Variants in OSBPL1A observed in about 807,000 individuals in gnomAD.
The protein encoded by OSBPL1A is oxysterol-binding protein-related protein 1.
In OSBPL1A, 80 loss-of-function variants were observed where a neutral mutation model predicts 137.1. The observed-to-expected ratio is 0.58, with a 90% CI of 0.49 to 0.70. The LOEUF (loss-of-function observed/expected upper bound fraction) is 0.70. Ranked by LOEUF, OSBPL1A falls within the 30% of genes least tolerant of loss-of-function variation. The pLI is 0.00. For synonymous variants in OSBPL1A, 365 were observed against 389.7 expected (o/e 0.94, Z 0.75); for missense variants, 970 against 1,129.4 (o/e 0.86, Z 2.02).
chr18:24,332,385 C>CAAAAAAAAAAAA (rs71163675), intron 7 of OSBPL1A, among the ~76,000 whole-genome samples: 1 of 53,060 alleles, frequency 1.9e-5, no homozygotes, highest in African/African-American at 9.3e-5. Context: ...GACTCTGTCT[C>CAAAAAAAAAAAA]AAAAAAAAAA....
intron 17 of OSBPL1A, among the ~76,000 whole-genome samples, chr18:24,203,412 T>C (rs760686000): frequency 6.6e-6 from 1 of 152,164 alleles, no homozygotes; most frequent in African/African-American, 2.4e-5. Context: ...CAAACAAGGG[T>C]ATACAGGTAT....
chr18:24,356,059 C>T (rs1263469462), intron 4 of OSBPL1A, among the ~76,000 whole-genome samples: 2 of 151,542 alleles, frequency 1.3e-5, no homozygotes, highest in African/African-American at 4.8e-5. Context: ...ACCTGTAATC[C>T]CAGCTACTTG....
chr18:24,284,258 A>G (rs2090024483), intron 14 of OSBPL1A, among the ~76,000 whole-genome samples: 3 of 152,202 alleles, frequency 2.0e-5, no homozygotes, highest in African/African-American at 7.2e-5. Context: ...CTTCTAGAAA[A>G]GTGACCAACT....
intron 4 of OSBPL1A, among the ~76,000 whole-genome samples, chr18:24,365,428 T>TC (rs1247144454): frequency 6.6e-6 from 1 of 151,908 alleles, no homozygotes; most frequent in Non-Finnish European, 1.5e-5. Flanking sequence ...CTACTAAAAA[T>TC]CCAAAATTAT....
intron 7 of OSBPL1A, among the ~76,000 whole-genome samples, chr18:24,326,166 T>C (rs2090975241): frequency 6.6e-6 from 1 of 152,240 alleles, no homozygotes; most frequent in Admixed American, 6.5e-5. Context: ...AATTATGTTA[T>C]ATCCACATGA....
At chr18:24,166,852 T>G in intron 25 of OSBPL1A, 150 bp from the exon 26 acceptor site, 1 of 811,370 alleles carries the variant, frequency 1.2e-6, no homozygotes, top group Non-Finnish European at 1.8e-6. Context: ...CGTATCTAAA[T>G]GTTTTCACCA....
Position 24,165,051 on chromosome 18 carries a change from A to G in OSBPL1A, c.2750+14T>C, listed in dbSNP as rs1181660775. The G allele has an allele frequency of 6.2e-7, 1 of 1,613,672 alleles. No homozygotes were observed. The highest frequency in any genetic ancestry group is 8.5e-7 in the Non-Finnish European group (1 of 1,179,762). On this transcript the variant is annotated intron_variant, in intron 27 of 27. Transcript: ENST00000319481. The stretch of plus-strand genomic sequence containing the variant: ...CCTGAGGGCTCAGCCACACCCCCTG[A>G]CTCAGGCACGCACCTCGTCTTCCAG...
intron 4 of OSBPL1A, among the ~76,000 whole-genome samples, chr18:24,344,356 G>T (rs1342089986): frequency 6.6e-6 from 1 of 152,162 alleles, no homozygotes; most frequent in Non-Finnish European, 1.5e-5. Context: ...AGGAGACTGA[G>T]GCACAAGAAT....
At chr18:24,333,806 A>G (rs2091126401) in intron 6 of OSBPL1A, among the ~76,000 whole-genome samples, 1 of 152,214 alleles carries the variant, frequency 6.6e-6, no homozygotes, top group Non-Finnish European at 1.5e-5. Context: ...CCTTCTTTGC[A>G]TAGTACCTTC....
chr18:24,312,179 G>T, intron 12 of OSBPL1A, 73 bp from the exon 13 acceptor site: 1 of 1,553,286 alleles, frequency 6.4e-7, no homozygotes, highest in South Asian at 1.2e-5. Context: ...ACAATGATCT[G>T]ATAAGCATAA....
At chr18:24,272,204 C>T (rs1184665850) in intron 15 of OSBPL1A, 50 of 983,098 alleles carry the variant, frequency 5.1e-5, no homozygotes, top group Non-Finnish European at 5.8e-5. Flanking sequence ...GCTGTGCGCT[C>T]GGCCCTCTCC....
chr18:24,323,539 CTTTTTTTTT>C (rs763234169), intron 7 of OSBPL1A, among the ~76,000 whole-genome samples: 1 of 35,174 alleles, frequency 2.8e-5, no homozygotes, highest in East Asian at 4.2e-4. Flanking sequence ...GAGGCTTTTT[CTTTTTTTTT>C]TTTTTTTTTT....
chr18:24,366,459 C>G (rs1203236721), intron 4 of OSBPL1A: 1 of 152,820 alleles, frequency 6.5e-6, no homozygotes, highest in Non-Finnish European at 1.5e-5. Flanking sequence ...TTCTGGTGAC[C>G]AGCCCCCATC....
At chr18:24,285,183 T>C (rs1050225082) in intron 14 of OSBPL1A, among the ~76,000 whole-genome samples, 5 of 152,222 alleles carry the variant, frequency 3.3e-5, no homozygotes, top group Admixed American at 2.0e-4. Context: ...TGTCTCTCTG[T>C]GACCCTCTGT....
intron 7 of OSBPL1A, among the ~76,000 whole-genome samples, chr18:24,319,555 A>C (rs1009388323): frequency 1.3e-5 from 2 of 152,180 alleles, no homozygotes; most frequent in Admixed American, 6.5e-5. Flanking sequence ...ATCAATGTTA[A>C]TTTTTCCAAC....
At chr18:24,369,130 C>T (rs1333099620) in intron 2 of OSBPL1A, among the ~76,000 whole-genome samples, 2 of 152,072 alleles carry the variant, frequency 1.3e-5, no homozygotes, top group African/African-American at 2.4e-5. Flanking sequence ...TGGACTAATA[C>T]GATTTGGAAA....
Position 24,165,118 on chromosome 18 carries a change from T to G in OSBPL1A, c.2697A>C (p.Lys899Asn). ...ASEEKKRLEE[K>N]QRAARKNRSK... is the part of the protein sequence containing the mutation. Reference sequence around the variant, plus strand: ...ACCTGTTTTTGCGGGCTGCTCTTTGTTTTTCCTCAAGTCGTTTTTTTTCTT... The same window carrying G: ...ACCTGTTTTTGCGGGCTGCTCTTTGGTTTTCCTCAAGTCGTTTTTTTTCTT... The change falls in exon 27 of 28, where the codon AAA (lysine) becomes AAC (asparagine). Residue 899 changes from lysine (K) to asparagine (N), a missense_variant. Lys to Asn is a moderately conservative substitution (Grantham distance 94, BLOSUM62 0). Around this residue, in one of 2 missense-constraint regions of OSBPL1A, gnomAD observed 323 missense variants for 456.8 expected, o/e 0.71. Transcript: ENST00000319481. 1.9e-6 allele frequency: 3 copies of G among 1,614,180 alleles called. No homozygotes were observed. The highest frequency in any genetic ancestry group is 2.5e-6 in the Non-Finnish European group (3 of 1,180,028).
Position 24,276,834 on chromosome 18 carries a change from T to C in OSBPL1A, c.1281+4008A>G, listed in dbSNP as rs113942513. 1.2e-3 allele frequency among the ~76,000 whole-genome samples: 188 copies of C among 152,286 alleles called. 1 individual carries two copies. The highest frequency in any genetic ancestry group is 4.4e-3 in the African/African-American group (182 of 41,558). ...ATGAAAACCTCGATTATGTAGATCA[T>C]ATCAGTACATCCTCAAATAAGCAAA... On this transcript the variant is annotated intron_variant, in intron 15 of 27. Coordinates refer to ENST00000319481, the MANE Select transcript of OSBPL1A (RefSeq NM_080597.4).
intron 7 of OSBPL1A, among the ~76,000 whole-genome samples, chr18:24,323,539 C>CTTTTTTTTTTTTTTTTTT (rs763234169): frequency 1.1e-3 from 40 of 35,140 alleles, no homozygotes; most frequent in East Asian, 2.1e-3. Context: ...GAGGCTTTTT[C>CTTTTTTTTTTTTTTTTTT]TTTTTTTTTT....
Sources: allele counts gnomAD v4.1 joint callset (sites outside exome capture counted in the v4.1 genomes callset), GRCh38; gene constraint gnomAD v4.1.1; regional missense constraint gnomAD v4.1.1; transcripts MANE v1.5; gene names NCBI Gene and HGNC (gene_info 2026-07-23, HGNC 2026-07-21).